The following ETFDH variants were observed in gnomAD, a reference collection of about 807,000 sequenced individuals.
The protein encoded by ETFDH is electron transfer flavoprotein-ubiquinone oxidoreductase, mitochondrial.
ETFDH carries 61 observed loss-of-function variants against 73.2 expected under a neutral mutation model. The ratio of observed to expected loss-of-function variants is 0.83; its 90% CI spans 0.68 to 1.03. The LOEUF (loss-of-function observed/expected upper bound fraction) is 1.03. ETFDH is among the 50% of genes least tolerant of loss of function. ETFDH has a pLI of 0.00. For missense variants in ETFDH, 685 were observed against 745.0 expected (o/e 0.92, Z 0.94); for synonymous variants, 243 against 253.3 (o/e 0.96, Z 0.39).
intron 6 of ETFDH, among the ~76,000 whole-genome samples, chr4:158,692,399 CAAAA>C (rs35615738): frequency 1.1e-5 from 1 of 91,450 alleles, no homozygotes; most frequent in Non-Finnish European, 2.1e-5. Flanking sequence ...GACACCGTCT[CAAAA>C]AAAAAAAAAA....
intron 6 of ETFDH, among the ~76,000 whole-genome samples, chr4:158,690,910 T>G (rs954810994): frequency 2.0e-5 from 3 of 151,136 alleles, no homozygotes; most frequent in African/African-American, 7.4e-5. Context: ...AAATAAAAAT[T>G]TTTAAAATGT....
At position 158,699,098 on chromosome 4, in the gene ETFDH, G is replaced by A. The variant is rs369711837; in HGVS notation, c.1084G>A (p.Gly362Arg). 2.7e-5 allele frequency: 44 copies of A among 1,613,810 alleles called. No individual in the cohort carries two copies. The highest frequency in any genetic ancestry group is 3.6e-5 in the Non-Finnish European group (43 of 1,179,892). The change falls in exon 9 of 13, where the codon GGA becomes AGA. Residue 362 changes from glycine (G) to arginine (R), a missense_variant. Transcript: ENST00000511912. ...GGAAGGTGGAAAAAGGATTGCATAC[G>A]GAGCCAGAGCTCTCAATGAAGGTGG... is the stretch of plus-strand genomic sequence containing the variant. ...TLEGGKRIAYGARALNEGGFQ... is the reference protein window; with the variant it reads ...TLEGGKRIAYRARALNEGGFQ...
intron 3 of ETFDH, among the ~76,000 whole-genome samples, chr4:158,682,970 ATAACT>A (rs1773904154): frequency 6.6e-6 from 1 of 152,248 alleles, no homozygotes; most frequent in Non-Finnish European, 1.5e-5. Flanking sequence ...ATATGAGAAG[ATAACT>A]TGAGAAGACC....
rs537038850 is a variant in ETFDH, at chr4:158,680,511, C to T, written c.79C>T (p.Pro27Ser). The T allele has an allele frequency of 2.4e-5, 38 of 1,601,974 alleles. No individual in the cohort carries two copies. Among genetic ancestry groups the T allele is most frequent in the Admixed American group, 6.7e-5 (4 of 59,952 alleles). Residue 27 changes from proline (P) to serine (S), a missense_variant, in exon 2 of 13, where the codon CCT becomes TCT. Coordinates refer to ENST00000511912, the MANE Select transcript of ETFDH (RefSeq NM_004453.4). ...HALKIKKNYL[P>S]LCATRWSSTS... ...CTTAAAAATTAAGAAAAATTATCTA[C>T]CTCTATGTGCTACAAGATGGTCTTC... is the stretch of plus-strand genomic sequence containing the variant.
chr4:158,697,498 G>A (rs972009969), intron 7 of ETFDH, 61 bp from the exon 8 acceptor site: 13 of 1,424,582 alleles, frequency 9.1e-6, no homozygotes, highest in Non-Finnish European at 1.3e-5. Flanking sequence ...ATGCATTGTG[G>A]TGACATAAAA....
intron 7 of ETFDH, among the ~76,000 whole-genome samples, chr4:158,697,322 T>A (rs1774333622): frequency 6.6e-6 from 1 of 152,192 alleles, no homozygotes; most frequent in African/African-American, 2.4e-5. Context: ...CTCGAACTCC[T>A]GACCTCAAGT....
intron 1 of ETFDH, among the ~76,000 whole-genome samples, chr4:158,673,987 G>A (rs1407869193): frequency 6.6e-6 from 1 of 152,080 alleles, no homozygotes; most frequent in Non-Finnish European, 1.5e-5. Context: ...AAGGGGTAAA[G>A]GTTGTGACTT....
intron 1 of ETFDH, among the ~76,000 whole-genome samples, chr4:158,674,152 A>C (rs748896784): frequency 7.9e-5 from 12 of 152,254 alleles, no homozygotes; most frequent in Non-Finnish European, 1.6e-4. Flanking sequence ...AATGCATTGA[A>C]AACTAAATAT....
In ETFDH at chr4:158,680,560, C is replaced by T. The variant is rs774060297; in HGVS notation, c.128C>T (p.Thr43Ile). 10 of 1,607,974 alleles carry T rather than the reference C, an allele frequency of 6.2e-6. No homozygotes were observed. Among genetic ancestry groups the T allele is most frequent in the Admixed American group, 1.7e-5 (1 of 59,996 alleles). The change falls in exon 2 of 13, where the codon ACT becomes ATT. Residue 43 changes from threonine (T) to isoleucine (I), a missense_variant. This residue lies in a region of ETFDH where 405 missense variants were observed against 399.3 expected (regional missense o/e 1.01). Coordinates refer to ENST00000511912, the MANE Select transcript of ETFDH (RefSeq NM_004453.4). Reference protein sequence around the residue: ...WSSTSTVPRITTHYTIYPRDK... With the variant: ...WSSTSTVPRIITHYTIYPRDK... Reference sequence around the variant, plus strand: ...TCAACTTCTACTGTGCCTCGAATTACTACCCATTATACTATTTATCCCCGG... The same window carrying T: ...TCAACTTCTACTGTGCCTCGAATTATTACCCATTATACTATTTATCCCCGG...
intron 8 of ETFDH, among the ~76,000 whole-genome samples, chr4:158,698,688 G>A (rs762638273): frequency 3.3e-5 from 5 of 151,940 alleles, no homozygotes; most frequent in Admixed American, 2.0e-4. Flanking sequence ...CTAATCTCAT[G>A]ATAGATTGTT....
intron 1 of ETFDH, among the ~76,000 whole-genome samples, chr4:158,675,026 GC>G (rs1255387147): frequency 6.6e-6 from 1 of 151,900 alleles, no homozygotes; most frequent in Non-Finnish European, 1.5e-5. Flanking sequence ...GGCTGTAAAT[GC>G]TCTTTTTTAT....
intron 1 of ETFDH, among the ~76,000 whole-genome samples, chr4:158,675,167 T>C (rs1398257352): frequency 2.0e-5 from 3 of 152,160 alleles, no homozygotes; most frequent in Non-Finnish European, 2.9e-5. Flanking sequence ...TTTAGAACAT[T>C]TTCATCACCC....
intron 1 of ETFDH, among the ~76,000 whole-genome samples, chr4:158,675,029 C>G (rs553317186): frequency 8.5e-5 from 13 of 152,142 alleles, no homozygotes; most frequent in African/African-American, 2.4e-4. Flanking sequence ...TGTAAATGCT[C>G]TTTTTTATAA....
intron 9 of ETFDH, among the ~76,000 whole-genome samples, chr4:158,702,360 C>A (rs1423232140): frequency 6.6e-6 from 1 of 151,992 alleles, no homozygotes; most frequent in East Asian, 1.9e-4. Context: ...ACAAATTATT[C>A]TTTATTATAG....
At chr4:158,700,973 G>T (rs550734335) in intron 9 of ETFDH, 1 of 152,192 alleles carries the variant, frequency 6.6e-6, no homozygotes, top group Non-Finnish European at 1.5e-5. Context: ...TTTATTTTGA[G>T]CTAACAAATA....
intron 7 of ETFDH, among the ~76,000 whole-genome samples, chr4:158,695,986 G>T (rs1166084631): frequency 1.3e-5 from 2 of 152,032 alleles, no homozygotes; most frequent in Non-Finnish European, 2.9e-5. Context: ...CTGTTTGTAG[G>T]ATGACCACAT....
rs1774528614 is a variant in ETFDH, at chr4:158,703,706, T to C, written c.1285+115T>C. 3 of 702,598 alleles carry C rather than the reference T, an allele frequency of 4.3e-6. No individual in the cohort carries two copies. In the South Asian group the frequency reaches 4.8e-5, roughly 11 times the overall value. 43.5% of individuals were successfully genotyped at this position (702,598 alleles called of 1,614,324 possible). On this transcript the variant is annotated intron_variant, in intron 10 of 12. Coordinates refer to ENST00000511912, the MANE Select transcript of ETFDH (RefSeq NM_004453.4). ...ACTTTATAGAAAGTATTAATAAGCA[T>C]GCTATGCAAAGAAAACTACATGGCT...
intron 2 of ETFDH, 59 bp from the exon 3 acceptor site, chr4:158,682,136 A>C: frequency 3.1e-6 from 5 of 1,609,134 alleles, no homozygotes; most frequent in Non-Finnish European, 4.3e-6. Context: ...TTTAACTGTC[A>C]TGTGATTTAT....
At chr4:158,681,397 T>C (rs188811644) in intron 2 of ETFDH, among the ~76,000 whole-genome samples, 1 of 152,268 alleles carries the variant, frequency 6.6e-6, no homozygotes, top group East Asian at 1.9e-4. Context: ...TACAAGAGAG[T>C]CAAAAAGTTT....
Sources: allele counts gnomAD v4.1 joint callset (sites outside exome capture counted in the v4.1 genomes callset), GRCh38; gene constraint gnomAD v4.1.1; regional missense constraint gnomAD v4.1.1; transcripts MANE v1.5; gene names NCBI Gene and HGNC (gene_info 2026-07-23, HGNC 2026-07-21).